The following TTC1 variants were observed in gnomAD, a reference collection of about 807,000 sequenced individuals.
The protein encoded by TTC1 is tetratricopeptide repeat protein 1.
Under a neutral mutation model 37.6 loss-of-function variants are expected in TTC1, and 31 were observed. The ratio of observed to expected loss-of-function variants is 0.82; its 90% CI spans 0.62 to 1.11. TTC1 has a LOEUF of 1.11. Among genes scored for constraint, TTC1 ranks in the 50% most tolerant of loss-of-function variants. The probability of loss-of-function intolerance (pLI) is 0.00; values close to 1 mark genes in which losing one functional copy is unlikely to be tolerated. For synonymous variants in TTC1, 127 were observed against 122.4 expected, an observed-to-expected ratio of 1.04 and a Z score of -0.25; for missense variants, 351 against 339.0, an observed-to-expected ratio of 1.04 and a Z score of -0.28.
chr5:160,041,895 T>A (rs1561633028), intron 4 of TTC1, among the ~76,000 whole-genome samples: 2 of 152,212 alleles, frequency 1.3e-5, no homozygotes, highest in Admixed American at 6.5e-5. Flanking sequence ...CCAGAACTTT[T>A]CCATCATCCT....
chr5:160,063,374 C>A (rs1311637438), intron 7 of TTC1, among the ~76,000 whole-genome samples: 2 of 152,118 alleles, frequency 1.3e-5, no homozygotes, highest in Non-Finnish European at 2.9e-5. Context: ...TGCCACCACA[C>A]CTAGCTAATT....
intron 2 of TTC1, among the ~76,000 whole-genome samples, chr5:160,020,831 A>G (rs1256963073): frequency 6.6e-6 from 1 of 152,168 alleles, no homozygotes; most frequent in Non-Finnish European, 1.5e-5. Context: ...TTGTATAACT[A>G]TTTGATTATA....
rs184128454 is a variant in TTC1 at position 160,013,943 on chromosome 5, A to G, written c.330+3085A>G. Reference sequence around the variant, plus strand: ...GATAGGGCTATCAATAGACTCTTCTACAAGGATAGGAATGTTCTACATCCT... The same window carrying G: ...GATAGGGCTATCAATAGACTCTTCTGCAAGGATAGGAATGTTCTACATCCT... On this transcript the variant is annotated intron_variant, in intron 2 of 7. Transcript: ENST00000231238. Among the ~76,000 whole-genome samples, 257 of 152,300 alleles carry G rather than the reference A, an allele frequency of 1.7e-3. 1 individual carries two copies. Among genetic ancestry groups the G allele is most frequent in the African/African-American group, 5.1e-3 (210 of 41,570 alleles).
intron 1 of TTC1, among the ~76,000 whole-genome samples, chr5:160,010,150 C>T (rs899823894): frequency 6.6e-6 from 1 of 150,430 alleles, no homozygotes; most frequent in African/African-American, 2.5e-5. Context: ...CCCAGCTACT[C>T]GGGAGGCTGA....
intron 2 of TTC1, among the ~76,000 whole-genome samples, chr5:160,017,384 C>T (rs1756625670): frequency 6.6e-6 from 1 of 152,014 alleles, no homozygotes; most frequent in Non-Finnish European, 1.5e-5. Flanking sequence ...CATTTGTGTC[C>T]CTACATGGCA....
At chr5:160,039,082 G>C (rs1229161219) in intron 4 of TTC1, 1 of 152,134 alleles carries the variant, frequency 6.6e-6, no homozygotes, top group Non-Finnish European at 1.5e-5. Flanking sequence ...AGGAAATGAT[G>C]GTTTAACTGC....
intron 7 of TTC1, 88 bp from the exon 8 acceptor site, chr5:160,064,844 T>G (rs372460101): frequency 1.5e-4 from 208 of 1,357,572 alleles, no homozygotes; most frequent in Non-Finnish European, 1.9e-4. Context: ...TTTTATATTT[T>G]GTACTCAGTG....
rs377300902 is a variant in TTC1, at chr5:160,049,678, T to C, written c.690+16T>C. The C allele has an allele frequency of 4.3e-5, 66 of 1,542,434 alleles. No individual in the cohort carries two copies. The highest frequency in any genetic ancestry group is 2.2e-4 in the Middle Eastern group (1 of 4,458). On this transcript the variant is annotated intron_variant, in intron 6 of 7. Coordinates refer to ENST00000231238, the MANE Select transcript of TTC1 (RefSeq NM_003314.3). ...AGCTTGTATGGTAAAACCTAAAATT[T>C]TAAAAATATTTTTCCTTCTATTCTT...
chr5:160,049,718 G>C (rs1054861870), intron 6 of TTC1, 56 bp downstream of exon 6: 1 of 1,357,166 alleles, frequency 7.4e-7, no homozygotes, highest in Middle Eastern at 2.6e-4. Flanking sequence ...TTGCTACCCA[G>C]TGAGTCCTAA....
chr5:160,049,803 C>T (rs1757353945), intron 6 of TTC1, 141 bp downstream of exon 6: 7 of 727,622 alleles, frequency 9.6e-6, no homozygotes, highest in South Asian at 3.1e-5. Context: ...GGAGGCCAGG[C>T]GCAGTGGCTC....
Position 160,024,725 on chromosome 5 carries a change from G to A in TTC1, c.331-10415G>A, listed in dbSNP as rs151046126. ...TGTTGCCCCGGTTGGTCTCAAACTC[G>A]TGCTCAAGTGATGCTACCACCTCAA... On this transcript the variant is annotated intron_variant, in intron 2 of 7. Coordinates refer to ENST00000231238, the MANE Select transcript of TTC1 (RefSeq NM_003314.3). Among the ~76,000 whole-genome samples the A allele has an allele frequency of 2.8e-3, 430 of 151,260 alleles. 3 individuals are homozygous for A. The highest frequency in any genetic ancestry group is 0.01 in the Middle Eastern group (3 of 294).
chr5:160,012,802 G>A (rs1756524561), intron 2 of TTC1, among the ~76,000 whole-genome samples: 1 of 152,180 alleles, frequency 6.6e-6, no homozygotes, highest in Non-Finnish European at 1.5e-5. Context: ...GTAGAATGCA[G>A]TGAGTTTGAC....
rs916004910 is a variant in TTC1, at chr5:160,029,986, A to G, written c.331-5154A>G. 5.5e-4 allele frequency among the ~76,000 whole-genome samples: 83 copies of G among 152,160 alleles called. 3 individuals are homozygous for G. Among genetic ancestry groups the G allele is most frequent in the Non-Finnish European group, 1.0e-4 (7 of 68,032 alleles). On this transcript the variant is annotated intron_variant, in intron 2 of 7. Coordinates refer to ENST00000231238, the MANE Select transcript of TTC1 (RefSeq NM_003314.3). ...AGGTCTGAGGGCCAAAAAGCGCTCTACAACACATGAAACCATTTAAGCATT... is the reference window on the plus strand; with the variant it reads ...AGGTCTGAGGGCCAAAAAGCGCTCTGCAACACATGAAACCATTTAAGCATT...
Position 160,058,703 on chromosome 5 carries a change from G to A in TTC1, c.746-6229G>A, listed in dbSNP as rs867193309. On this transcript the variant is annotated intron_variant, in intron 7 of 7. Coordinates refer to ENST00000231238, the MANE Select transcript of TTC1 (RefSeq NM_003314.3). ...TGGGATTACAGGCGTGAGCCACCGC[G>A]CCTGGCCAATGAAGTGTATTTCTTA... Among the ~76,000 whole-genome samples the A allele has an allele frequency of 3.0e-4, 45 of 152,172 alleles. No homozygotes were observed. The Middle Eastern group carries it at 0.01, about 35-fold the overall frequency.
chr5:160,036,503 A>G (rs1013895139), intron 3 of TTC1, 188 bp from the exon 4 acceptor site: 6 of 516,852 alleles, frequency 1.2e-5, no homozygotes, highest in African/African-American at 7.7e-5. Flanking sequence ...ACAAGCAAGC[A>G]CTGTTCCTTT....
intron 4 of TTC1, 46 bp downstream of exon 4, chr5:160,036,849 A>G: frequency 7.3e-7 from 1 of 1,363,168 alleles, no homozygotes; most frequent in Non-Finnish European, 1.0e-6. Flanking sequence ...ATGGACTTGC[A>G]GTCTTTTCAT....
rs1301252582 is a variant in TTC1, at chr5:160,010,443, A to G, written c.-29-57A>G. On this transcript the variant is annotated intron_variant, in intron 1 of 7. Transcript: ENST00000231238. ...GCAGAGGTTTGTTTAGGTTTGAAACAGAACTTTTAAAAATACAAGCACCAT... is the reference window on the plus strand; with the variant it reads ...GCAGAGGTTTGTTTAGGTTTGAAACGGAACTTTTAAAAATACAAGCACCAT... 13 of 1,224,622 alleles carry G rather than the reference A, an allele frequency of 1.1e-5. No individual in the cohort carries two copies. In the Admixed American group the frequency reaches 2.8e-4, roughly 26 times the overall value. 75.9% of individuals were successfully genotyped at this position (1,224,622 alleles called of 1,614,324 possible). A position where few individuals can be genotyped will look rare whatever the true frequency, so the allele number is the denominator to read the frequency against.
Position 160,038,659 on chromosome 5 carries a change from C to CTT in TTC1, c.504+1876_504+1877dup, listed in dbSNP as rs541012506. ...TTTTCTGTTCTTTTAAGTTGCGTTT[C>CTT]TTTTTTTTTTTTTTTTTTTTTGAGA... On this transcript the variant is annotated intron_variant, in intron 4 of 7. Coordinates refer to ENST00000231238, the MANE Select transcript of TTC1 (RefSeq NM_003314.3). Among the ~76,000 whole-genome samples, 448 of 120,130 alleles carry CTT rather than the reference C, an allele frequency of 3.7e-3. 5 individuals carry two copies. Among genetic ancestry groups the CTT allele is most frequent in the East Asian group, 4.8e-3 (20 of 4,148 alleles). The allele number at this position is 120,130 out of a possible 152,430, so 78.8% of individuals were successfully genotyped here.
At chr5:160,043,656 G>A (rs1298508372) in intron 5 of TTC1, among the ~76,000 whole-genome samples, 1 of 152,190 alleles carries the variant, frequency 6.6e-6, no homozygotes, top group African/African-American at 2.4e-5. Flanking sequence ...TTTACCTCCT[G>A]TAGTCTCTGA....
Sources: gnomAD v4.1 joint callset for allele counts (sites outside exome capture counted in the v4.1 genomes callset) on GRCh38, gnomAD v4.1.1 for gene constraint, MANE v1.5 for transcripts, NCBI Gene and HGNC (gene_info 2026-07-23, HGNC 2026-07-21) for gene names.